Variants in LRRC4C observed in about 807,000 individuals in gnomAD.
LRRC4C encodes leucine-rich repeat-containing protein 4C.
A neutral mutation model predicts 33.6 loss-of-function variants in LRRC4C; 5 were observed. The observed-to-expected ratio is 0.15, with a 90% CI of 0.08 to 0.31. The LOEUF (loss-of-function observed/expected upper bound fraction) is 0.31, where lower values mean the gene tolerates loss of function less well. LRRC4C is among the 10% of genes least tolerant of loss of function. LRRC4C has a pLI of 1.00. For missense variants in LRRC4C, 560 were observed against 796.7 expected (o/e 0.70, Z 3.58); for synonymous variants, 329 against 302.0 (o/e 1.09, Z -0.93).
intron 1 of LRRC4C, among the ~76,000 whole-genome samples, chr11:41,115,044 A>G (rs892769337): frequency 6.6e-6 from 1 of 152,050 alleles, no homozygotes; most frequent in Non-Finnish European, 1.5e-5. Flanking sequence ...TGTTTATAGG[A>G]GTTTATTATA....
intron 1 of LRRC4C, among the ~76,000 whole-genome samples, chr11:41,344,422 G>A (rs539107625): frequency 7.9e-5 from 12 of 152,010 alleles, no homozygotes; most frequent in East Asian, 3.9e-4. Flanking sequence ...GTGTTTCACC[G>A]TGTTAGCCAG....
At chr11:40,302,377 G>T (rs752071571) in intron 4 of LRRC4C, among the ~76,000 whole-genome samples, 1 of 151,862 alleles carries the variant, frequency 6.6e-6, no homozygotes, top group Non-Finnish European at 1.5e-5. Context: ...TTTTGTTATT[G>T]TTCTTATTTA....
At chr11:41,303,110 TCCCTCTCCCTCA>T (rs1565563039) in intron 1 of LRRC4C, among the ~76,000 whole-genome samples, 1 of 105,132 alleles carries the variant, frequency 9.5e-6, no homozygotes, top group Non-Finnish European at 2.0e-5. Context: ...CCTCTCCCTC[TCCCTCTCCCTCA>T]CCCCACGGTC....
At chr11:40,508,556 C>T (rs1188363647) in intron 3 of LRRC4C, among the ~76,000 whole-genome samples, 1 of 152,112 alleles carries the variant, frequency 6.6e-6, no homozygotes, top group African/African-American at 2.4e-5. Flanking sequence ...GAAATAATAG[C>T]TTCTCATCTT....
intron 3 of LRRC4C, among the ~76,000 whole-genome samples, chr11:40,409,712 C>T (rs915963630): frequency 1.3e-5 from 2 of 151,626 alleles, no homozygotes; most frequent in African/African-American, 2.4e-5. Context: ...GAATGGCCAA[C>T]ATAAAAAAGA....
At chr11:41,219,367 C>T (rs191522164) in intron 1 of LRRC4C, among the ~76,000 whole-genome samples, 9 of 152,104 alleles carry the variant, frequency 5.9e-5, no homozygotes, top group African/African-American at 1.2e-4. Flanking sequence ...AGTCAGAGAG[C>T]GGGTCATTGG....
intron 2 of LRRC4C, among the ~76,000 whole-genome samples, chr11:40,738,111 G>A (rs1947976426): frequency 6.6e-6 from 1 of 152,140 alleles, no homozygotes; most frequent in Non-Finnish European, 1.5e-5. Context: ...ACCAAAACAA[G>A]CAATGGGGAA....
At chr11:41,412,634 T>A (rs1040709778) in intron 1 of LRRC4C, among the ~76,000 whole-genome samples, 1 of 152,228 alleles carries the variant, frequency 6.6e-6, no homozygotes, top group African/African-American at 2.4e-5. Flanking sequence ...TGTGACCCAC[T>A]TACCTGTATC....
chr11:40,320,597 A>G (rs1316780172), intron 3 of LRRC4C, among the ~76,000 whole-genome samples: 1 of 152,240 alleles, frequency 6.6e-6, no homozygotes, highest in African/African-American at 2.4e-5. Context: ...ATAAGTAAAT[A>G]TAGACATTGG....
intron 3 of LRRC4C, among the ~76,000 whole-genome samples, chr11:40,545,068 C>A (rs2135408926): frequency 6.6e-6 from 1 of 152,016 alleles, no homozygotes; most frequent in East Asian, 1.9e-4. Context: ...CTTTTAAGAC[C>A]CAGCTCAAAT....
At chr11:40,838,188 T>C (rs886157629) in intron 2 of LRRC4C, among the ~76,000 whole-genome samples, 3 of 152,194 alleles carry the variant, frequency 2.0e-5, no homozygotes, top group African/African-American at 7.2e-5. Flanking sequence ...TGAGTAGTAA[T>C]TCTACAATTT....
intron 1 of LRRC4C, among the ~76,000 whole-genome samples, chr11:41,090,036 A>T (rs1042972527): frequency 6.6e-6 from 1 of 152,118 alleles, no homozygotes; most frequent in Non-Finnish European, 1.5e-5. Context: ...TCATGGAAAG[A>T]CTAAATGTCC....
At chr11:41,358,310 AG>A (rs1952233157) in intron 1 of LRRC4C, among the ~76,000 whole-genome samples, 1 of 152,124 alleles carries the variant, frequency 6.6e-6, no homozygotes, top group South Asian at 2.1e-4. Flanking sequence ...AGAAGATAAC[AG>A]AGAAGAAAAT....
At position 41,378,922 on chromosome 11, in the gene LRRC4C, T is replaced by A. The variant is rs575459368; in HGVS notation, c.-496+80509A>T. Among the ~76,000 whole-genome samples the A allele has an allele frequency of 2.7e-5, 4 of 149,220 alleles. No homozygotes were observed. In the South Asian group the frequency reaches 8.5e-4, roughly 32 times the overall value. On this transcript the variant is annotated intron_variant, in intron 1 of 6. Transcript: ENST00000528697. Reference sequence around the variant, plus strand: ...AACAATATAAGTCAGCGGGAAGAGTTTTTTTTTTTTGTCTGTTTTTTATTC... The same window carrying A: ...AACAATATAAGTCAGCGGGAAGAGTATTTTTTTTTTGTCTGTTTTTTATTC...
intron 1 of LRRC4C, among the ~76,000 whole-genome samples, chr11:41,367,026 T>C (rs1952569517): frequency 6.6e-6 from 1 of 152,216 alleles, no homozygotes; most frequent in South Asian, 2.1e-4. Flanking sequence ...AAGCAGAATT[T>C]GAACCCAGTG....
chr11:40,350,976 T>G (rs2137080518), intron 3 of LRRC4C, among the ~76,000 whole-genome samples: 1 of 152,026 alleles, frequency 6.6e-6, no homozygotes, highest in South Asian at 2.1e-4. Context: ...GTTTTAACAG[T>G]TTTTTTGATG....
chr11:40,697,771 G>A (rs1945647800), intron 2 of LRRC4C, among the ~76,000 whole-genome samples: 1 of 152,002 alleles, frequency 6.6e-6, no homozygotes, highest in East Asian at 1.9e-4. Context: ...TTCTCCTGCT[G>A]TTATTTTACA....
intron 2 of LRRC4C, among the ~76,000 whole-genome samples, chr11:40,916,786 C>T (rs1330684260): frequency 6.6e-6 from 1 of 151,554 alleles, no homozygotes; most frequent in African/African-American, 2.4e-5. Flanking sequence ...TATTGAGACA[C>T]TTAATTGGTC....
intron 3 of LRRC4C, among the ~76,000 whole-genome samples, chr11:40,613,645 T>C (rs569012748): frequency 6.6e-6 from 1 of 151,894 alleles, no homozygotes; most frequent in African/African-American, 2.4e-5. Context: ...TTAAATACCA[T>C]CTAGGATGGT....
Sources: allele counts gnomAD v4.1 joint callset (sites outside exome capture counted in the v4.1 genomes callset), GRCh38; gene constraint gnomAD v4.1.1; transcripts MANE v1.5; gene names NCBI Gene and HGNC (gene_info 2026-07-23, HGNC 2026-07-21).